Variants in SFMBT2 observed in about 807,000 individuals in gnomAD.
SFMBT2 encodes the protein Scm like with four mbt domains 2.
A neutral mutation model predicts 110.1 loss-of-function variants in SFMBT2; 38 were observed. The observed-to-expected ratio is 0.35, with a 90% CI of 0.27 to 0.45. The LOEUF (loss-of-function observed/expected upper bound fraction) is 0.45, where lower values mean the gene tolerates loss of function less well. Ranked by LOEUF, SFMBT2 falls within the 20% of genes least tolerant of loss-of-function variation. The probability of loss-of-function intolerance (pLI) is 1.00; values close to 1 mark genes in which losing one functional copy is unlikely to be tolerated. For synonymous variants in SFMBT2, 425 were observed against 425.4 expected, an observed-to-expected ratio of 1.00 and a Z score of 0.01; for missense variants, 1,011 against 1,094.9, an observed-to-expected ratio of 0.92 and a Z score of 1.08.
At chr10:7,214,939 C>G (rs1427798880) in intron 11 of SFMBT2, among the ~76,000 whole-genome samples, 1 of 152,216 alleles carries the variant, frequency 6.6e-6, no homozygotes. Flanking sequence ...ACTGAAAGAG[C>G]TAAATAACTC....
At chr10:7,178,153 C>G (rs1838134235) in intron 16 of SFMBT2, among the ~76,000 whole-genome samples, 1 of 152,158 alleles carries the variant, frequency 6.6e-6, no homozygotes, top group Non-Finnish European at 1.5e-5. Context: ...AATGGGGACC[C>G]CCGGACTGCC....
intron 11 of SFMBT2, chr10:7,214,640 G>A: frequency 1.0e-6 from 1 of 985,372 alleles, no homozygotes; most frequent in Non-Finnish European, 1.2e-6. Context: ...GACCTGCCTT[G>A]CACGTAAGTG....
intron 4 of SFMBT2, among the ~76,000 whole-genome samples, chr10:7,365,110 C>A (rs1844849188): frequency 6.6e-6 from 1 of 152,174 alleles, no homozygotes; most frequent in Admixed American, 6.5e-5. Context: ...AAAGCATGAG[C>A]ATGCACTGTG....
chr10:7,391,337 G>A (rs576897987), intron 1 of SFMBT2, among the ~76,000 whole-genome samples: 14 of 151,954 alleles, frequency 9.2e-5, no homozygotes, highest in African/African-American at 2.4e-4. Context: ...ATGGTGGCAC[G>A]TGCGTATAAT....
In SFMBT2 at chr10:7,163,173, T is replaced by G. The variant is rs1456814117; in HGVS notation, c.*597A>C. 2 of 161,888 alleles carry G rather than the reference T, an allele frequency of 1.2e-5. No individual in the cohort carries two copies. The highest frequency in any genetic ancestry group is 6.1e-5 in the Admixed American group (1 of 16,460). 10.0% of individuals were successfully genotyped at this position (161,888 alleles called of 1,614,324 possible). On this transcript the variant is annotated 3_prime_UTR_variant, in exon 21 of 21. Coordinates refer to ENST00000397167, the MANE Select transcript of SFMBT2 (RefSeq NM_001387889.1). This position sits in a 1 kb window ranked among gnomAD's most constrained non-coding sequence, Gnocchi z 4.8. ...AACCATCTAGTTGCATGGAGATGCCTGCCGGCCTTCCTTCACTCCCCGTAT... is the reference window on the plus strand; with the variant it reads ...AACCATCTAGTTGCATGGAGATGCCGGCCGGCCTTCCTTCACTCCCCGTAT...
chr10:7,315,022 G>GAGAGAAAGAAAGAA (rs1321512566), intron 4 of SFMBT2, among the ~76,000 whole-genome samples: 6 of 112,286 alleles, frequency 5.3e-5, no homozygotes, highest in African/African-American at 1.8e-4. Flanking sequence ...AAAGAAAAGA[G>GAGAGAAAGAAAGAA]AGAGAAAGAA....
chr10:7,380,661 T>TG (rs1265589381), intron 2 of SFMBT2, among the ~76,000 whole-genome samples: 2 of 152,046 alleles, frequency 1.3e-5, no homozygotes, highest in Non-Finnish European at 2.9e-5. Flanking sequence ...ACCCTTTTTT[T>TG]TTTAAAGGTA....
intron 1 of SFMBT2, among the ~76,000 whole-genome samples, chr10:7,410,095 A>T (rs1027274744): frequency 6.6e-6 from 1 of 152,220 alleles, no homozygotes; most frequent in African/African-American, 2.4e-5. Context: ...AAACTCCAGA[A>T]CCAGCTCAAG....
At chr10:7,168,549 G>A (rs1837768431) in intron 20 of SFMBT2, among the ~76,000 whole-genome samples, 1 of 152,232 alleles carries the variant, frequency 6.6e-6, no homozygotes, top group Admixed American at 6.5e-5. Flanking sequence ...ACGCATCAGT[G>A]CAACCAAACC....
intron 16 of SFMBT2, among the ~76,000 whole-genome samples, chr10:7,178,913 C>T (rs1838156914): frequency 6.6e-6 from 1 of 152,202 alleles, no homozygotes; most frequent in African/African-American, 2.4e-5. Context: ...CAACTGGCAA[C>T]AGATCATAGG....
intron 16 of SFMBT2, among the ~76,000 whole-genome samples, chr10:7,181,334 A>G (rs1838242334): frequency 6.6e-6 from 1 of 152,142 alleles, no homozygotes; most frequent in Non-Finnish European, 1.5e-5. Flanking sequence ...TCAACATAAT[A>G]TAAGTATACT....
At chr10:7,213,787 G>T (rs12764215) in intron 11 of SFMBT2, among the ~76,000 whole-genome samples, 1 of 148,174 alleles carries the variant, frequency 6.7e-6, no homozygotes, top group Non-Finnish European at 1.5e-5. Context: ...CCGTGTGCGA[G>T]GCCATGGTGC....
intron 4 of SFMBT2, among the ~76,000 whole-genome samples, chr10:7,341,868 TTA>T (rs1433436050): frequency 6.6e-6 from 1 of 152,158 alleles, no homozygotes; most frequent in Non-Finnish European, 1.5e-5. Context: ...CTACTATTGG[TTA>T]TGTTTGAGTT....
At chr10:7,237,731 G>C (rs111973184) in intron 9 of SFMBT2, among the ~76,000 whole-genome samples, 2 of 152,104 alleles carry the variant, frequency 1.3e-5, no homozygotes, top group Non-Finnish European at 2.9e-5. Flanking sequence ...TTTTAGTGGG[G>C]GAGATGAATG....
chr10:7,250,031 A>G (rs1018437585), intron 7 of SFMBT2, among the ~76,000 whole-genome samples: 2 of 152,230 alleles, frequency 1.3e-5, no homozygotes, highest in African/African-American at 2.4e-5. Context: ...CACACTTTAT[A>G]AAAATTATAT....
At chr10:7,216,484 T>C (rs1244143518) in intron 11 of SFMBT2, among the ~76,000 whole-genome samples, 1 of 152,214 alleles carries the variant, frequency 6.6e-6, no homozygotes, top group East Asian at 1.9e-4. Flanking sequence ...TATCCAGCCA[T>C]GTGGAACTGT....
intron 2 of SFMBT2, among the ~76,000 whole-genome samples, chr10:7,376,839 C>T (rs1243238225): frequency 1.0e-5 from 1 of 95,872 alleles, no homozygotes; most frequent in African/African-American, 4.5e-5. Flanking sequence ...CATAGCATCT[C>T]GGGGTGGACA....
chr10:7,399,034 T>A (rs2245577), intron 1 of SFMBT2, among the ~76,000 whole-genome samples: 45,381 of 152,084 alleles, frequency 0.3, 10,367 homozygotes, highest in African/African-American at 0.64. Flanking sequence ...GGTGCCACAA[T>A]GTCCAAAATA....
intron 15 of SFMBT2, among the ~76,000 whole-genome samples, chr10:7,197,035 C>T (rs1838793787): frequency 2.6e-5 from 4 of 152,068 alleles, no homozygotes; most frequent in Admixed American, 2.6e-4. Context: ...TACCTGGAGA[C>T]CATTGAAATA....
Sources: gnomAD v4.1 joint callset for allele counts (sites outside exome capture counted in the v4.1 genomes callset) on GRCh38, gnomAD v4.1.1 for gene constraint, Gnocchi (gnomAD v3.1) non-coding constraint, MANE v1.5 for transcripts, NCBI Gene and HGNC (gene_info 2026-07-23, HGNC 2026-07-21) for gene names.